Variants in STK10 observed in about 807,000 individuals in gnomAD.
STK10 encodes serine/threonine kinase 10.
In STK10, 78 loss-of-function variants were observed where a neutral mutation model predicts 113.8. That is an observed-to-expected ratio of 0.69 (90% CI 0.57 to 0.83). The LOEUF is 0.83. Ranked by LOEUF, STK10 falls within the 40% of genes least tolerant of loss-of-function variation. STK10 has a pLI of 0.00. For missense variants in STK10, 1,109 were observed against 1,280.1 expected (o/e 0.87, Z 2.04); for synonymous variants, 465 against 494.7 (o/e 0.94, Z 0.80).
At chr5:172,045,610 G>A (rs1767481266) in intron 18 of STK10, 1 of 322,364 alleles carries the variant, frequency 3.1e-6, no homozygotes, top group Non-Finnish European at 6.1e-6. Context: ...TAACTCAGAG[G>A]AGAGCTCTAG....
Position 172,120,089 on chromosome 5 carries a change from C to A in STK10, c.371-2459G>T, listed in dbSNP as rs552360689. 6.6e-6 allele frequency among the ~76,000 whole-genome samples: 1 copy of A among 151,958 alleles called. No homozygotes were observed. Among genetic ancestry groups the A allele is most frequent in the African/African-American group, 2.4e-5 (1 of 41,358 alleles). ...GAGTGAGAAGATTCCAAGGTGACAG[C>A]CTTGTGCTCTGCGTCCCACAGGACT... On this transcript the variant is annotated intron_variant, in intron 3 of 18. Transcript: ENST00000176763. This position sits in a 1 kb window ranked among gnomAD's most constrained non-coding sequence, Gnocchi z 4.0.
chr5:172,167,682 C>T (rs530302934), intron 1 of STK10, among the ~76,000 whole-genome samples: 2 of 152,202 alleles, frequency 1.3e-5, no homozygotes, highest in African/African-American at 4.8e-5. Flanking sequence ...ACTAGCCGCA[C>T]GTGGCTATTT....
At chr5:172,121,745 T>G (rs4868142) in intron 3 of STK10, among the ~76,000 whole-genome samples, 150,974 of 152,242 alleles carry the variant, frequency 0.99, 74,860 homozygotes, top group East Asian at 1. Flanking sequence ...TTTTTGTTTT[T>G]TGGAGACAGA....
intron 6 of STK10, 85 bp from the exon 7 acceptor site, chr5:172,105,822 C>T: frequency 8.2e-7 from 1 of 1,223,828 alleles, no homozygotes; most frequent in Non-Finnish European, 1.2e-6. Context: ...CTGTCCCAAT[C>T]ATGCCCCTCA....
chr5:172,157,286 C>T (rs1289832025), intron 1 of STK10, among the ~76,000 whole-genome samples: 3 of 152,062 alleles, frequency 2.0e-5, no homozygotes, highest in African/African-American at 4.8e-5. Context: ...AGGCCGGGTG[C>T]GGTGGCTCAC....
chr5:172,055,196 C>T (rs1258493567), intron 16 of STK10, among the ~76,000 whole-genome samples: 2 of 151,930 alleles, frequency 1.3e-5, no homozygotes, highest in East Asian at 3.9e-4. Flanking sequence ...GGTCGGAGTG[C>T]ATCTTTCTTT....
chr5:172,118,890 A>AAAAAAAAAAAAAAAAC (rs1769444155), intron 3 of STK10, among the ~76,000 whole-genome samples: 1 of 151,340 alleles, frequency 6.6e-6, no homozygotes, highest in Non-Finnish European at 1.5e-5. Context: ...AAAAAAAAAA[A>AAAAAAAAAAAAAAAAC]AAAAAAAGTG....
chr5:172,179,685 C>T (rs574340781), intron 1 of STK10, among the ~76,000 whole-genome samples: 1 of 152,318 alleles, frequency 6.6e-6, no homozygotes, highest in African/African-American at 2.4e-5. Flanking sequence ...GAGTTAGAAA[C>T]CCACTCACAA....
At chr5:172,160,311 TA>T (rs1368463217) in intron 1 of STK10, among the ~76,000 whole-genome samples, 1 of 151,704 alleles carries the variant, frequency 6.6e-6, no homozygotes, top group Non-Finnish European at 1.5e-5. Flanking sequence ...CTGTCTCTAC[TA>T]AAAAGTACAA....
chr5:172,118,166 T>C (rs966157765), intron 3 of STK10, among the ~76,000 whole-genome samples: 12 of 152,162 alleles, frequency 7.9e-5, no homozygotes, highest in African/African-American at 2.9e-4. Context: ...GATGAGGAAA[T>C]TGAGGCTTGG....
At chr5:172,097,117 C>T (rs1768873577) in intron 7 of STK10, among the ~76,000 whole-genome samples, 2 of 152,222 alleles carry the variant, frequency 1.3e-5, no homozygotes, top group African/African-American at 4.8e-5. Context: ...TGGCTCACTG[C>T]AACCTCCACC....
chr5:172,111,097 C>T (rs988565333), intron 4 of STK10, among the ~76,000 whole-genome samples: 12 of 152,136 alleles, frequency 7.9e-5, no homozygotes, highest in Non-Finnish European at 1.5e-4. Context: ...AGCAGGAAAC[C>T]CAGGTAGAGC....
chr5:172,158,771 A>G (rs1177127223), intron 1 of STK10, among the ~76,000 whole-genome samples: 3 of 152,250 alleles, frequency 2.0e-5, no homozygotes, highest in African/African-American at 7.2e-5. Context: ...CATTATGTAA[A>G]GTGAAATAAG....
intron 1 of STK10, among the ~76,000 whole-genome samples, chr5:172,171,761 G>GAATAGAATAGAATAGAATAGAATAGAATA (rs59355985): frequency 5.3e-5 from 8 of 152,134 alleles, no homozygotes; most frequent in Admixed American, 1.3e-4. Context: ...GAATAGAATA[G>GAATAGAATAGAATAGAATAGAATAGAATA]GCTGGGTCCA....
chr5:172,044,755 G>A lies in STK10; in HGVS notation c.*127C>T. On this transcript the variant is annotated 3_prime_UTR_variant, in exon 19 of 19. Coordinates refer to ENST00000176763, the MANE Select transcript of STK10 (RefSeq NM_005990.4). This position sits in a 1 kb window ranked among gnomAD's most constrained non-coding sequence, Gnocchi z 4.5. ...TCAGGCACAGTTGGGGTGGCACAGG[G>A]CGAGGGGCTGGATTTGAGCTGGCAC... 1.3e-6 allele frequency: 2 copies of A among 1,512,592 alleles called. No individual in the cohort carries two copies. The highest frequency in any genetic ancestry group is 1.2e-5 in the South Asian group (1 of 86,776). The allele number at this position is 1,512,592 out of a possible 1,614,324, so 93.7% of individuals were successfully genotyped here.
chr5:172,057,187 T>C (rs1767824841), intron 15 of STK10, 162 bp downstream of exon 15: 2 of 986,262 alleles, frequency 2.0e-6, no homozygotes, highest in African/African-American at 3.2e-5. Context: ...AGGACGCCCC[T>C]GGAGAACCTC....
At chr5:172,065,666 T>G (rs1308395529) in intron 12 of STK10, among the ~76,000 whole-genome samples, 2 of 152,174 alleles carry the variant, frequency 1.3e-5, no homozygotes, top group Non-Finnish European at 2.9e-5. Context: ...CAGGAACTGA[T>G]TCAGAGATAA....
chr5:172,180,364 C>T (rs989540034), intron 1 of STK10, among the ~76,000 whole-genome samples: 3 of 152,208 alleles, frequency 2.0e-5, no homozygotes, highest in Middle Eastern at 3.4e-3. Flanking sequence ...ACTTGAGAGG[C>T]CAAGGCAGGA....
intron 4 of STK10, chr5:172,114,473 A>ATATATATTTTTTTTTTTTTT (rs1226289994): frequency 2.1e-5 from 1 of 47,546 alleles, no homozygotes; most frequent in African/African-American, 1.4e-4. Flanking sequence ...ATATATATAT[A>ATATATATTTTTTTTTTTTTT]TTTTTTTTTT....
Sources: allele counts gnomAD v4.1 joint callset (sites outside exome capture counted in the v4.1 genomes callset), GRCh38; gene constraint gnomAD v4.1.1; non-coding constraint Gnocchi (gnomAD v3.1); transcripts MANE v1.5; gene names NCBI Gene and HGNC (gene_info 2026-07-23, HGNC 2026-07-21).